GRID2: variants seen among roughly 807,000 people sequenced by gnomAD.
The protein encoded by GRID2 is glutamate ionotropic receptor delta type subunit 2.
In GRID2, 33 loss-of-function variants were observed where a neutral mutation model predicts 114.8. The ratio of observed to expected loss-of-function variants is 0.29; its 90% CI spans 0.22 to 0.38. The LOEUF (loss-of-function observed/expected upper bound fraction) is 0.38. Among genes scored for constraint, GRID2 ranks in the 10% least tolerant of loss-of-function variants. The probability of loss-of-function intolerance (pLI) is 1.00; values close to 1 mark genes in which losing one functional copy is unlikely to be tolerated. For synonymous variants in GRID2, 505 were observed against 449.9 expected (o/e 1.12, Z -1.55); for missense variants, 1,184 against 1,257.7 (o/e 0.94, Z 0.89).
At chr4:92,595,995 A>G (rs1728933508) in intron 2 of GRID2, among the ~76,000 whole-genome samples, 1 of 152,076 alleles carries the variant, frequency 6.6e-6, no homozygotes. Context: ...TGACATTTTT[A>G]CTGTGATTAA....
intron 2 of GRID2, among the ~76,000 whole-genome samples, chr4:92,737,845 A>T (rs1736675811): frequency 6.6e-6 from 1 of 152,090 alleles, no homozygotes; most frequent in South Asian, 2.1e-4. Context: ...TTCTAAACTA[A>T]TACTATAGAA....
intron 1 of GRID2, among the ~76,000 whole-genome samples, chr4:92,504,301 G>A (rs1723839970): frequency 6.6e-6 from 1 of 151,992 alleles, no homozygotes; most frequent in African/African-American, 2.4e-5. Flanking sequence ...CATGAGAATG[G>A]GAGAAAAACC....
intron 2 of GRID2, among the ~76,000 whole-genome samples, chr4:92,599,752 C>A (rs1361536893): frequency 2.0e-5 from 3 of 151,860 alleles, no homozygotes; most frequent in African/African-American, 7.3e-5. Context: ...CCAGGCCATG[C>A]ACCGTGGCTC....
chr4:93,388,181 G>A (rs1460133889), intron 8 of GRID2, among the ~76,000 whole-genome samples: 3 of 152,132 alleles, frequency 2.0e-5, no homozygotes, highest in Non-Finnish European at 4.4e-5. Flanking sequence ...CAAACTACAG[G>A]TGTTTATATT....
chr4:93,460,667 T>G (rs1296179745), intron 11 of GRID2, among the ~76,000 whole-genome samples: 1 of 152,016 alleles, frequency 6.6e-6, no homozygotes, highest in Non-Finnish European at 1.5e-5. Context: ...TATAGTTAAG[T>G]GCCTTGTACA....
intron 13 of GRID2, among the ~76,000 whole-genome samples, chr4:93,616,545 C>T (rs937839670): frequency 2.8e-5 from 4 of 142,160 alleles, no homozygotes; most frequent in Non-Finnish European, 6.1e-5. Flanking sequence ...GACTCTGTTG[C>T]CCAGGCTGTA....
chr4:93,632,897 C>T (rs1425742439), intron 14 of GRID2, among the ~76,000 whole-genome samples: 2 of 152,102 alleles, frequency 1.3e-5, no homozygotes, highest in Non-Finnish European at 2.9e-5. Flanking sequence ...TTTTGTTGAG[C>T]AGTAGTTTGT....
intron 2 of GRID2, among the ~76,000 whole-genome samples, chr4:92,938,899 A>C (rs933007712): frequency 6.8e-6 from 1 of 146,792 alleles, no homozygotes; most frequent in Non-Finnish European, 1.5e-5. Context: ...TGAACTCATC[A>C]TTTTTTATGG....
intron 2 of GRID2, among the ~76,000 whole-genome samples, chr4:92,854,849 T>C (rs1375040435): frequency 1.3e-5 from 2 of 151,964 alleles, no homozygotes; most frequent in Non-Finnish European, 2.9e-5. Context: ...TATAGAACAA[T>C]GTCTTATTTT....
intron 14 of GRID2, among the ~76,000 whole-genome samples, chr4:93,675,794 A>G (rs1724800405): frequency 6.6e-6 from 1 of 152,210 alleles, no homozygotes; most frequent in African/African-American, 2.4e-5. Context: ...TTTTGATCAT[A>G]GAATATATAT....
chr4:92,542,915 T>G (rs1208188391), intron 1 of GRID2, among the ~76,000 whole-genome samples: 1 of 152,158 alleles, frequency 6.6e-6, no homozygotes, highest in African/African-American at 2.4e-5. Flanking sequence ...TTCTTGCATA[T>G]CTAATGAGTT....
intron 14 of GRID2, among the ~76,000 whole-genome samples, chr4:93,724,589 T>G (rs1729674413): frequency 1.3e-5 from 2 of 152,144 alleles, no homozygotes; most frequent in Admixed American, 1.3e-4. Context: ...TGTTGATCCT[T>G]TAATCAAAGC....
chr4:93,534,845 A>G (rs965824905), intron 13 of GRID2, among the ~76,000 whole-genome samples: 3 of 142,624 alleles, frequency 2.1e-5, no homozygotes, highest in Non-Finnish European at 3.1e-5. Flanking sequence ...TCACATGGTT[A>G]CTTTTTTTTT....
intron 8 of GRID2, among the ~76,000 whole-genome samples, chr4:93,325,252 G>T (rs927764072): frequency 6.6e-6 from 1 of 152,002 alleles, no homozygotes; most frequent in South Asian, 2.1e-4. Context: ...GTTCTTATTG[G>T]TTTCGACCAT....
intron 2 of GRID2, among the ~76,000 whole-genome samples, chr4:92,924,557 C>G (rs886963186): frequency 2.0e-5 from 3 of 152,240 alleles, no homozygotes; most frequent in East Asian, 3.9e-4. Flanking sequence ...TCTTCCAAAA[C>G]ACTGCTGCAT....
At chr4:93,366,668 A>G (rs1328829640) in intron 8 of GRID2, among the ~76,000 whole-genome samples, 2 of 151,910 alleles carry the variant, frequency 1.3e-5, no homozygotes, top group East Asian at 3.9e-4. Flanking sequence ...CCTAATAAAA[A>G]CTTACTGGTT....
At chr4:92,394,896 T>A (rs1469761106) in intron 1 of GRID2, among the ~76,000 whole-genome samples, 1 of 151,714 alleles carries the variant, frequency 6.6e-6, no homozygotes, top group Non-Finnish European at 1.5e-5. Context: ...TTATTTTATA[T>A]TTGTGTAATA....
At chr4:92,921,286 G>T (rs1434853385) in intron 2 of GRID2, among the ~76,000 whole-genome samples, 1 of 151,840 alleles carries the variant, frequency 6.6e-6, no homozygotes. Flanking sequence ...TCTTTACCGT[G>T]GGTTCGAACT....
At chr4:92,345,250 G>C (rs1727706011) in intron 1 of GRID2, among the ~76,000 whole-genome samples, 1 of 152,198 alleles carries the variant, frequency 6.6e-6, no homozygotes, top group East Asian at 1.9e-4. Context: ...TAGAATAATA[G>C]CTTCCAGCTC....
Sources: allele counts gnomAD v4.1 joint callset (sites outside exome capture counted in the v4.1 genomes callset), GRCh38; gene constraint gnomAD v4.1.1; transcripts MANE v1.5; gene names NCBI Gene and HGNC (gene_info 2026-07-23, HGNC 2026-07-21).